Variants in UBA6 observed in about 807,000 individuals in gnomAD.
UBA6 encodes the protein ubiquitin like modifier activating enzyme 6.
UBA6 carries 87 observed loss-of-function variants against 148.3 expected under a neutral mutation model. The observed-to-expected ratio is 0.59, with a 90% CI of 0.49 to 0.70. The LOEUF (loss-of-function observed/expected upper bound fraction) is 0.70, where lower values mean the gene tolerates loss of function less well. UBA6 is among the 30% of genes least tolerant of loss of function. The pLI, the probability that UBA6 is intolerant of heterozygous loss-of-function variation, is 0.00. For synonymous variants in UBA6, 376 were observed against 401.0 expected, an observed-to-expected ratio of 0.94 and a Z score of 0.75; for missense variants, 1,186 against 1,241.2, an observed-to-expected ratio of 0.96 and a Z score of 0.67.
At chr4:67,679,168 A>G (rs1419331792) in intron 4 of UBA6, among the ~76,000 whole-genome samples, 3 of 152,208 alleles carry the variant, frequency 2.0e-5, no homozygotes, top group Admixed American at 2.0e-4. Context: ...AGAGCACTTT[A>G]TATGAGAAAG....
chr4:67,686,851 G>A (rs1431921175), intron 2 of UBA6, among the ~76,000 whole-genome samples: 1 of 149,658 alleles, frequency 6.7e-6, no homozygotes, highest in African/African-American at 2.5e-5. Context: ...CTTCTCAGGA[G>A]GCTGAGGTGG....
In UBA6 at chr4:67,624,181, CTAAGT is replaced by C. The variant is rs745558609; in HGVS notation, c.2780_2784del (p.Asn927SerfsTer12). 6.2e-7 allele frequency: 1 copy of C among 1,609,672 alleles called. No homozygotes were observed. The highest frequency in any genetic ancestry group is 8.5e-7 in the Non-Finnish European group (1 of 1,178,092). ...TCTGTAAATACTACAATTGGAATGG[CTAAGT>C]TAAGAAAACAATTTTTGTAAGCTTC... On this transcript the variant is annotated frameshift_variant, in exon 30 of 33. Transcript: ENST00000322244. LOFTEE classifies it high-confidence loss of function.
rs1728838357 is a variant in UBA6 at position 67,625,206 on chromosome 4, T to A, written c.2519-19A>T. ...AGGTCACCTGATTATACCAACCAGATAAACAAAGTTCCACAGCAAGCAGTA... is the reference window on the plus strand; with the variant it reads ...AGGTCACCTGATTATACCAACCAGAAAAACAAAGTTCCACAGCAAGCAGTA... On this transcript the variant is annotated intron_variant, in intron 28 of 32. Coordinates refer to ENST00000322244, the MANE Select transcript of UBA6 (RefSeq NM_018227.6). 1.3e-6 allele frequency: 2 copies of A among 1,567,434 alleles called. No individual in the cohort carries two copies. The highest frequency in any genetic ancestry group is 1.7e-6 in the Non-Finnish European group (2 of 1,152,092).
chr4:67,642,241 C>G (rs1315781079), intron 17 of UBA6, among the ~76,000 whole-genome samples: 3 of 152,074 alleles, frequency 2.0e-5, no homozygotes, highest in Admixed American at 2.0e-4. Context: ...GCCCCCAACT[C>G]CCCAAACTGG....
Position 67,635,493 on chromosome 4 carries a change from T to C in UBA6, c.1802A>G (p.Glu601Gly). The C allele has an allele frequency of 6.2e-7, 1 of 1,612,242 alleles. No homozygotes were observed. The highest frequency in any genetic ancestry group is 8.5e-7 in the Non-Finnish European group (1 of 1,178,552). ...CTCAGTCAAATGCGGTACAATAACTTCAGTGTGTCCCTTAGTGCCCATTGT... is the reference window on the plus strand; with the variant it reads ...CTCAGTCAAATGCGGTACAATAACTCCAGTGTGTCCCTTAGTGCCCATTGT... ...SGTMGTKGHT[E>G]VIVPHLTESY... The change falls in exon 20 of 33, where the codon GAA becomes GGA. Residue 601 changes from glutamate (E) to glycine (G), a missense_variant. Coordinates refer to ENST00000322244, the MANE Select transcript of UBA6 (RefSeq NM_018227.6).
rs1728584240 is a variant in UBA6, at chr4:67,614,129, C to T, written c.*4868G>A. On this transcript the variant is annotated 3_prime_UTR_variant, in exon 33 of 33. Transcript: ENST00000322244. ...TTGTTCTCCACAATCTCTTATTTAACCTGAATATTTCCTTCCTATTGATCC... is the reference window on the plus strand; with the variant it reads ...TTGTTCTCCACAATCTCTTATTTAATCTGAATATTTCCTTCCTATTGATCC... 6.6e-6 allele frequency: 1 copy of T among 152,196 alleles called. No individual in the cohort carries two copies. The highest frequency in any genetic ancestry group is 2.4e-5 in the African/African-American group (1 of 41,446). The allele number at this position is 152,196 out of a possible 1,614,324, so 9.4% of individuals were successfully genotyped here. A position where few individuals can be genotyped will look rare whatever the true frequency, so the allele number is the denominator to read the frequency against.
At chr4:67,679,630 A>G (rs1391971922) in intron 4 of UBA6, among the ~76,000 whole-genome samples, 1 of 152,130 alleles carries the variant, frequency 6.6e-6, no homozygotes, top group Non-Finnish European at 1.5e-5. Context: ...CAAGTAAAAT[A>G]TAATAGGATA....
In UBA6 at chr4:67,680,089, G is replaced by A. The variant is rs551476658; in HGVS notation, c.258+1474C>T. Among the ~76,000 whole-genome samples the A allele has an allele frequency of 2.0e-5, 3 of 152,240 alleles. No individual in the cohort carries two copies. In the East Asian group the frequency reaches 5.8e-4, roughly 29 times the overall value. ...AGGAAACCACTGATTTTGAAAACTGGTAAGTTAATGGGGAAAAATGTAGTA... is the reference window on the plus strand; with the variant it reads ...AGGAAACCACTGATTTTGAAAACTGATAAGTTAATGGGGAAAAATGTAGTA... On this transcript the variant is annotated intron_variant, in intron 4 of 32. Transcript: ENST00000322244.
intron 23 of UBA6, among the ~76,000 whole-genome samples, chr4:67,632,336 G>A (rs943790269): frequency 1.3e-5 from 2 of 152,110 alleles, no homozygotes; most frequent in African/African-American, 4.8e-5. Context: ...AAAATCACCT[G>A]GGGGAAGGTA....
At position 67,617,061 on chromosome 4, in the gene UBA6, T is replaced by A. The variant is rs1355564947; in HGVS notation, c.*1936A>T. On this transcript the variant is annotated 3_prime_UTR_variant, in exon 33 of 33. Transcript: ENST00000322244. ...AATGGTTGCAGGTTTAATCACAAAA[T>A]GAACTTAATTTTTGTTGATTTTGTT... is the stretch of plus-strand genomic sequence containing the variant. The A allele has an allele frequency of 6.6e-6, 1 of 152,100 alleles. No individual in the cohort carries two copies. The highest frequency in any genetic ancestry group is 2.4e-5 in the African/African-American group (1 of 41,444). The allele number at this position is 152,100 out of a possible 1,614,324, so 9.4% of individuals were successfully genotyped here.
At chr4:67,699,697 A>C (rs1334402053) in intron 1 of UBA6, among the ~76,000 whole-genome samples, 1 of 151,880 alleles carries the variant, frequency 6.6e-6, no homozygotes, top group Admixed American at 6.6e-5. Context: ...ATCTCTCTAG[A>C]CTCAAGCGAT....
chr4:67,652,622 G>A (rs1729579843), intron 13 of UBA6, among the ~76,000 whole-genome samples: 1 of 152,206 alleles, frequency 6.6e-6, no homozygotes, highest in South Asian at 2.1e-4. Context: ...CAGAAGACAG[G>A]TGATTTCAGC....
chr4:67,649,069 C>A lies in UBA6; in HGVS notation c.1247G>T (p.Trp416Leu). ...CAACTTTAAAAACTCAGAACTAACC[C>A]ACTGGCACAAAGGAGAAAATTTTCC... ...VTGKFSPLCQ[W>L]LYLEAADIVE... Residue 416 changes from tryptophan to leucine, a missense_variant and splice_region_variant, in exon 14 of 33, where the codon TGG becomes TTG. Transcript: ENST00000322244. 2 of 1,612,952 alleles carry A rather than the reference C, an allele frequency of 1.2e-6. No individual in the cohort carries two copies. Among genetic ancestry groups the A allele is most frequent in the Non-Finnish European group, 1.7e-6 (2 of 1,179,614 alleles).
At chr4:67,689,502 C>T (rs1330414468) in intron 2 of UBA6, among the ~76,000 whole-genome samples, 1 of 152,044 alleles carries the variant, frequency 6.6e-6, no homozygotes, top group Admixed American at 6.6e-5. Flanking sequence ...GCCCCAAATG[C>T]CCCAATTCCT....
At chr4:67,637,965 T>TAAATAAATAAAA (rs1183372475) in intron 19 of UBA6, among the ~76,000 whole-genome samples, 3 of 150,008 alleles carry the variant, frequency 2.0e-5, no homozygotes, top group African/African-American at 7.4e-5. Flanking sequence ...AATAAATAAA[T>TAAATAAATAAAA]AAAAAGAAAT....
chr4:67,636,281 G>A (rs1341585664), intron 19 of UBA6, among the ~76,000 whole-genome samples: 1 of 152,216 alleles, frequency 6.6e-6, no homozygotes. Context: ...GAAGGAAAAA[G>A]TACATAGTGT....
intron 25 of UBA6, 82 bp downstream of exon 25, chr4:67,631,626 T>C: frequency 9.6e-7 from 1 of 1,037,222 alleles, no homozygotes; most frequent in Non-Finnish European, 1.4e-6. Flanking sequence ...CCTAAGGTTT[T>C]CACTCTGCAA....
At chr4:67,700,998 A>G in intron 1 of UBA6, 51 bp downstream of exon 1, 4 of 1,600,652 alleles carry the variant, frequency 2.5e-6, no homozygotes, top group Non-Finnish European at 3.4e-6. Flanking sequence ...AGAAACCCGG[A>G]GCCTGGGTCC....
intron 32 of UBA6, among the ~76,000 whole-genome samples, chr4:67,620,414 A>G (rs887905610): frequency 2.0e-5 from 3 of 152,148 alleles, no homozygotes; most frequent in African/African-American, 7.2e-5. Context: ...CTCTGTAAAA[A>G]TTTTCATTAT....
Sources: gnomAD v4.1 joint callset for allele counts (sites outside exome capture counted in the v4.1 genomes callset) on GRCh38, gnomAD v4.1.1 for gene constraint, MANE v1.5 for transcripts, NCBI Gene and HGNC (gene_info 2026-07-23, HGNC 2026-07-21) for gene names.